Variants in RANBP2 observed in about 807,000 individuals in gnomAD.
The protein encoded by RANBP2 is RAN binding protein 2.
Under a neutral mutation model 303.6 loss-of-function variants are expected in RANBP2, and 57 were observed. The ratio of observed to expected loss-of-function variants is 0.19; its 90% CI spans 0.15 to 0.23. The LOEUF (loss-of-function observed/expected upper bound fraction) is 0.23. Among genes scored for constraint, RANBP2 ranks in the 10% least tolerant of loss-of-function variants. The pLI, the probability that RANBP2 is intolerant of heterozygous loss-of-function variation, is 1.00. For synonymous variants in RANBP2, 1,167 were observed against 1,301.5 expected, an observed-to-expected ratio of 0.90 and a Z score of 2.23; for missense variants, 3,138 against 3,780.8, an observed-to-expected ratio of 0.83 and a Z score of 4.46.
At chr2:109,449,432 G>A in the RANBP2 span, 2 of 1,613,982 alleles carry the variant, frequency 1.2e-6, no homozygotes, top group Non-Finnish European at 1.7e-6. Flanking sequence ...TCGGTGTTCT[G>A]TCCACATCCA....
chr2:109,584,467 T>C, the RANBP2 span, among the ~76,000 whole-genome samples: 1 of 110,186 alleles, frequency 9.1e-6, no homozygotes, highest in Non-Finnish European at 1.7e-5. Flanking sequence ...AGAGCGAGAC[T>C]CTGTCTCAAA....
chr2:109,078,225 CGTGTATAT>C, the RANBP2 span, among the ~76,000 whole-genome samples: 1 of 51,604 alleles, frequency 1.9e-5, no homozygotes, highest in Non-Finnish European at 3.9e-5. Context: ...ATATATATAG[CGTGTATAT>C]ATATATATAG....
chr2:109,146,759 C>T, the RANBP2 span, among the ~76,000 whole-genome samples: 2 of 151,428 alleles, frequency 1.3e-5, no homozygotes, highest in Admixed American at 6.6e-5. Context: ...ATCCTTCCTT[C>T]GAAAACTTGC....
the RANBP2 span, among the ~76,000 whole-genome samples, chr2:109,068,292 G>A: frequency 1.3e-5 from 2 of 152,132 alleles, no homozygotes; most frequent in Non-Finnish European, 2.9e-5. Flanking sequence ...CTGGGGGTGG[G>A]GTGTTCTAGG....
chr2:109,166,888 T>A, the RANBP2 span, among the ~76,000 whole-genome samples: 1 of 152,242 alleles, frequency 6.6e-6, no homozygotes, highest in Non-Finnish European at 1.5e-5. Flanking sequence ...TACTTAGGGC[T>A]TACTACTTTA....
the RANBP2 span, among the ~76,000 whole-genome samples, chr2:109,629,326 TATATATATATATATATATATATATATA>T: frequency 0.021 from 162 of 7,556 alleles, 5 homozygotes; most frequent in Non-Finnish European, 0.029. Context: ...TATATATATA[TATATATATATATATATATATATATATA>T]TATTTTTTTT....
chr2:109,161,500 G>A, the RANBP2 span, among the ~76,000 whole-genome samples: 8 of 151,360 alleles, frequency 5.3e-5, no homozygotes, highest in African/African-American at 2.0e-4. Context: ...ATTACATATC[G>A]TAAGGCGATG....
the RANBP2 span, among the ~76,000 whole-genome samples, chr2:109,168,541 TTG>T: frequency 6.6e-6 from 1 of 152,232 alleles, no homozygotes; most frequent in East Asian, 1.9e-4. Context: ...CTTCTTACAC[TTG>T]ACCTTAGTCT....
rs1677088173 is a variant in RANBP2 at position 108,765,980 on chromosome 2, T to C, written c.5441T>C (p.Ile1814Thr). Residue 1814 changes from isoleucine to threonine, a missense_variant, in exon 20 of 29, where the codon ATT becomes ACT. By Grantham distance (89) the Ile-to-Thr change is moderately conservative. This residue lies in a region of RANBP2 where 348 missense variants were observed against 360.4 expected (regional missense o/e 0.97). Coordinates refer to ENST00000283195, the MANE Select transcript of RANBP2 (RefSeq NM_006267.5). ...CDASKPTHKPIAEAPSAFTLG... is the reference protein window; with the variant it reads ...CDASKPTHKPTAEAPSAFTLG... ...GCCTCTAAACCAACTCATAAACCTA[T>C]TGCAGAAGCTCCTTCAGCTTTCACA... 1 of 1,614,140 alleles carries C rather than the reference T, an allele frequency of 6.2e-7. No individual in the cohort carries two copies. The highest frequency in any genetic ancestry group is 1.3e-5 in the African/African-American group (1 of 75,054).
chr2:109,710,203 G>A, the RANBP2 span, among the ~76,000 whole-genome samples: 51 of 151,476 alleles, frequency 3.4e-4, 1 homozygote, highest in African/African-American at 1.2e-3. Flanking sequence ...CCAACGCGGT[G>A]AAAACCCATC....
the RANBP2 span, among the ~76,000 whole-genome samples, chr2:109,235,477 A>G: frequency 6.6e-6 from 1 of 152,338 alleles, no homozygotes; most frequent in Admixed American, 6.5e-5. Context: ...ATTAACCCTC[A>G]TGCCAGGACA....
the RANBP2 span, among the ~76,000 whole-genome samples, chr2:109,032,693 G>A: frequency 6.6e-6 from 1 of 152,156 alleles, no homozygotes; most frequent in African/African-American, 2.4e-5. Flanking sequence ...TCTTGCACAG[G>A]CTGGTGGGTT....
the RANBP2 span, among the ~76,000 whole-genome samples, chr2:109,166,847 G>A: frequency 1.3e-5 from 2 of 152,172 alleles, no homozygotes; most frequent in African/African-American, 4.8e-5. Context: ...CCCCATATAT[G>A]ATTTTAACAA....
chr2:109,448,667 A>G, the RANBP2 span, among the ~76,000 whole-genome samples: 1 of 152,164 alleles, frequency 6.6e-6, no homozygotes, highest in African/African-American at 2.4e-5. Flanking sequence ...TACTGATTCT[A>G]TGTTATGGTG....
the RANBP2 span, among the ~76,000 whole-genome samples, chr2:109,388,929 A>G: frequency 2.6e-5 from 4 of 152,150 alleles, no homozygotes; most frequent in Non-Finnish European, 5.9e-5. Flanking sequence ...AGGAGGTAGC[A>G]GGTGAGAACA....
the RANBP2 span, among the ~76,000 whole-genome samples, chr2:109,585,485 T>C: frequency 4.6e-5 from 7 of 152,214 alleles, no homozygotes; most frequent in South Asian, 2.1e-4. Flanking sequence ...TAGCAGAGCA[T>C]AGAGTAAGTG....
At chr2:109,430,321 C>T in the RANBP2 span, among the ~76,000 whole-genome samples, 1 of 152,206 alleles carries the variant, frequency 6.6e-6, no homozygotes, top group East Asian at 1.9e-4. Flanking sequence ...TCTCTGAGAG[C>T]AGGCACATCA....
chr2:109,572,922 C>G, the RANBP2 span, among the ~76,000 whole-genome samples: 1 of 152,054 alleles, frequency 6.6e-6, no homozygotes, highest in Admixed American at 6.5e-5. Context: ...GCCCAACAAC[C>G]TTCTTATGTA....
the RANBP2 span, chr2:108,876,268 TAA>T: frequency 6.7e-7 from 1 of 1,486,242 alleles, no homozygotes; most frequent in Non-Finnish European, 9.2e-7. Flanking sequence ...GCTAATTTTT[TAA>T]TATAGTATAT....
Sources: allele counts gnomAD v4.1 joint callset (sites outside exome capture counted in the v4.1 genomes callset), GRCh38; gene constraint gnomAD v4.1.1; regional missense constraint gnomAD v4.1.1; transcripts MANE v1.5; gene names NCBI Gene and HGNC (gene_info 2026-07-23, HGNC 2026-07-21).